Variants in SCAI observed in about 807,000 individuals in gnomAD.
SCAI encodes the protein suppressor of cancer cell invasion, also known as protein SCAI.
In SCAI, 24 loss-of-function variants were observed where a neutral mutation model predicts 92.2. The observed-to-expected ratio is 0.26, with a 90% CI of 0.19 to 0.37. SCAI has a LOEUF of 0.37. Ranked by LOEUF, SCAI falls within the 10% of genes least tolerant of loss-of-function variation. SCAI has a pLI of 1.00. For missense variants in SCAI, 450 were observed against 736.2 expected, an observed-to-expected ratio of 0.61 and a Z score of 4.50; for synonymous variants, 261 against 258.6, an observed-to-expected ratio of 1.01 and a Z score of -0.09.
chr9:125,001,873 C>A, intron 12 of SCAI, 92 bp downstream of exon 12: 1 of 848,586 alleles, frequency 1.2e-6, no homozygotes, highest in Admixed American at 2.2e-5. Context: ...TCTAGAAAGG[C>A]TGAGATGGTC....
intron 14 of SCAI, among the ~76,000 whole-genome samples, chr9:124,978,072 CA>C (rs1564364168): frequency 2.0e-5 from 3 of 151,938 alleles, no homozygotes; most frequent in Non-Finnish European, 4.4e-5. Flanking sequence ...ATAGCATAAA[CA>C]AAATCAAAAG....
chr9:125,066,491 T>C (rs939870252), intron 2 of SCAI, among the ~76,000 whole-genome samples: 1 of 151,876 alleles, frequency 6.6e-6, no homozygotes, highest in African/African-American at 2.4e-5. Flanking sequence ...AGTCTCGCTC[T>C]ATCTCCCAGG....
At chr9:124,965,391 G>A (rs1220040426) in intron 17 of SCAI, among the ~76,000 whole-genome samples, 1 of 151,962 alleles carries the variant, frequency 6.6e-6, no homozygotes. Context: ...ACGCCACGAC[G>A]CCCAGCTAAT....
rs756334633 is a variant in SCAI at position 124,970,490 on chromosome 9, G to A, written c.1674+880C>T. 2.2e-4 allele frequency among the ~76,000 whole-genome samples: 34 copies of A among 152,132 alleles called. 1 individual carries two copies. In the Middle Eastern group the frequency reaches 0.017, roughly 76 times the overall value. On this transcript the variant is annotated intron_variant, in intron 17 of 17. Transcript: ENST00000336505. ...TCCCAGCGCTTTGGAAGGCCAAGGC[G>A]GGTGGATCACCTGAGGTCAGGAGAT...
chr9:125,060,238 T>C (rs1833745827), intron 2 of SCAI, among the ~76,000 whole-genome samples: 1 of 145,738 alleles, frequency 6.9e-6, no homozygotes, highest in South Asian at 2.2e-4. Context: ...GTGTAAAATA[T>C]GCCAGATTTA....
intron 2 of SCAI, among the ~76,000 whole-genome samples, chr9:125,131,913 T>C (rs1221484014): frequency 6.6e-6 from 1 of 152,142 alleles, no homozygotes; most frequent in Non-Finnish European, 1.5e-5. Flanking sequence ...TCTAAACTCC[T>C]GGAGATAAAC....
At chr9:125,075,215 T>C (rs1309957236) in intron 2 of SCAI, among the ~76,000 whole-genome samples, 1 of 152,030 alleles carries the variant, frequency 6.6e-6, no homozygotes, top group African/African-American at 2.4e-5. Flanking sequence ...TCAAACTGTC[T>C]CCAGTAGAGA....
chr9:125,074,385 T>A (rs1260913546), intron 2 of SCAI, among the ~76,000 whole-genome samples: 4 of 150,554 alleles, frequency 2.7e-5, no homozygotes, highest in Non-Finnish European at 5.9e-5. Context: ...GCCTCCTGAG[T>A]AGCTGGGATT....
chr9:124,945,999 C>T lies in SCAI; in HGVS notation c.*6808G>A, dbSNP rs1469255549. ...TTCTAAGCAAGTGTTACCTTATTCA[C>T]CCTCAAAGTTATTGGCTTTACAACG... On this transcript the variant is annotated 3_prime_UTR_variant, in exon 18 of 18. Coordinates refer to ENST00000336505, the MANE Select transcript of SCAI (RefSeq NM_001144877.3). The T allele has an allele frequency of 1.3e-5, 2 of 152,134 alleles. No homozygotes were observed. The highest frequency in any genetic ancestry group is 2.9e-5 in the Non-Finnish European group (2 of 68,030). 9.4% of individuals were successfully genotyped at this position (152,134 alleles called of 1,614,324 possible).
chr9:125,049,015 G>T (rs1833502813), intron 3 of SCAI, among the ~76,000 whole-genome samples: 1 of 152,066 alleles, frequency 6.6e-6, no homozygotes, highest in Admixed American at 6.5e-5. Flanking sequence ...AAAGTGCTGG[G>T]ATTACAGGCG....
intron 2 of SCAI, among the ~76,000 whole-genome samples, chr9:125,080,343 G>A (rs1012144111): frequency 6.6e-6 from 1 of 152,240 alleles, no homozygotes; most frequent in Admixed American, 6.5e-5. Context: ...TGCATCCTAA[G>A]ATAAAAACAC....
intron 2 of SCAI, among the ~76,000 whole-genome samples, chr9:125,073,350 C>A (rs575625668): frequency 6.6e-6 from 1 of 151,382 alleles, no homozygotes; most frequent in African/African-American, 2.4e-5. Context: ...GTGATCCACC[C>A]GCCTCGGCCT....
At chr9:125,000,185 T>C (rs1832326961) in intron 12 of SCAI, among the ~76,000 whole-genome samples, 195 bp from the exon 13 acceptor site, 1 of 152,162 alleles carries the variant, frequency 6.6e-6, no homozygotes. Flanking sequence ...TTTCAACATT[T>C]TAAAAAACAT....
chr9:125,056,688 C>A (rs930581360), intron 2 of SCAI, among the ~76,000 whole-genome samples: 2 of 151,928 alleles, frequency 1.3e-5, no homozygotes, highest in Non-Finnish European at 2.9e-5. Context: ...GAAAATGATC[C>A]CACAAATGGG....
At chr9:125,034,007 G>A (rs2131095993) in intron 3 of SCAI, among the ~76,000 whole-genome samples, 1 of 152,286 alleles carries the variant, frequency 6.6e-6, no homozygotes, top group African/African-American at 2.4e-5. Flanking sequence ...GTGGGTCACT[G>A]GGAAGAGTTT....
intron 2 of SCAI, among the ~76,000 whole-genome samples, chr9:125,070,396 T>TC (rs1833958253): frequency 7.3e-6 from 1 of 136,564 alleles, no homozygotes; most frequent in Non-Finnish European, 1.6e-5. Flanking sequence ...CTAAAAACAA[T>TC]CTTTTTTTTT....
intron 2 of SCAI, among the ~76,000 whole-genome samples, chr9:125,109,890 G>T (rs995382051): frequency 6.6e-6 from 1 of 152,164 alleles, no homozygotes; most frequent in Non-Finnish European, 1.5e-5. Flanking sequence ...GTTTCGCCAT[G>T]ATGGCCAGGC....
chr9:124,973,614 C>T (rs1831700530), intron 15 of SCAI, among the ~76,000 whole-genome samples: 2 of 152,116 alleles, frequency 1.3e-5, no homozygotes, highest in East Asian at 1.9e-4. Flanking sequence ...GGGCAGATCA[C>T]GAGGTCAGGA....
At chr9:125,013,056 A>G (rs1275445963) in intron 9 of SCAI, among the ~76,000 whole-genome samples, 3 of 152,214 alleles carry the variant, frequency 2.0e-5, no homozygotes, top group African/African-American at 7.2e-5. Context: ...TTATAGCACT[A>G]AATGCCCACA....
Sources: allele counts gnomAD v4.1 joint callset (sites outside exome capture counted in the v4.1 genomes callset), GRCh38; gene constraint gnomAD v4.1.1; transcripts MANE v1.5; gene names NCBI Gene and HGNC (gene_info 2026-07-23, HGNC 2026-07-21).